The following MPPED2 variants were observed in gnomAD, a reference collection of about 807,000 sequenced individuals.
MPPED2 encodes the protein metallophosphoesterase MPPED2.
In MPPED2, 5 loss-of-function variants were observed where a neutral mutation model predicts 33.0. The ratio of observed to expected loss-of-function variants is 0.15; its 90% confidence interval spans 0.08 to 0.32. The LOEUF (loss-of-function observed/expected upper bound fraction) is 0.32. Ranked by LOEUF, MPPED2 falls within the 10% of genes least tolerant of loss-of-function variation. MPPED2 has a pLI of 1.00. For synonymous variants in MPPED2, 136 were observed against 141.9 expected (o/e 0.96, Z 0.29); for missense variants, 275 against 372.1 (o/e 0.74, Z 2.15).
intron 6 of MPPED2, among the ~76,000 whole-genome samples, chr11:30,402,336 T>G (rs1343043500): frequency 2.0e-5 from 3 of 152,194 alleles, no homozygotes; most frequent in Non-Finnish European, 4.4e-5. Context: ...GTCACTTCGC[T>G]GGAGATACGT....
At chr11:30,415,774 C>T (rs1948322771) in intron 5 of MPPED2, among the ~76,000 whole-genome samples, 1 of 152,204 alleles carries the variant, frequency 6.6e-6, no homozygotes, top group Non-Finnish European at 1.5e-5. Flanking sequence ...ACAATTCAGA[C>T]TTACTCTTAT....
chr11:30,466,994 C>A (rs190026577), intron 4 of MPPED2, among the ~76,000 whole-genome samples: 1 of 152,080 alleles, frequency 6.6e-6, no homozygotes, highest in African/African-American at 2.4e-5. Flanking sequence ...ACAAAAATTT[C>A]GAATTTTTCC....
intron 6 of MPPED2, 136 bp from the exon 7 acceptor site, chr11:30,411,722 T>C (rs1203419328): frequency 1.4e-5 from 7 of 515,210 alleles, no homozygotes; most frequent in Middle Eastern, 3.9e-4. Context: ...TCCTCAGATA[T>C]AATGACTTTC....
At chr11:30,504,735 C>T in intron 3 of MPPED2, 2 of 1,274,840 alleles carry the variant, frequency 1.6e-6, no homozygotes, top group Non-Finnish European at 1.0e-6. Flanking sequence ...TTAATACTCA[C>T]ACTTGCTGAT....
intron 4 of MPPED2, among the ~76,000 whole-genome samples, chr11:30,478,471 T>A (rs1032404049): frequency 6.6e-6 from 1 of 152,140 alleles, no homozygotes. Context: ...AATGTTCTAG[T>A]AATCAGGCTC....
chr11:30,521,124 T>C (rs1953852270), intron 3 of MPPED2, among the ~76,000 whole-genome samples: 1 of 152,230 alleles, frequency 6.6e-6, no homozygotes, highest in Admixed American at 6.5e-5. Flanking sequence ...TAGTTAGCTG[T>C]AATTTATGAA....
chr11:30,385,644 T>A (rs1947694321), exon 7 of MPPED2: 1 of 151,048 alleles, frequency 6.6e-6, no homozygotes, highest in Non-Finnish European at 1.5e-5. Context: ...TGTTGATGAG[T>A]TAGCACCTGC....
intron 3 of MPPED2, among the ~76,000 whole-genome samples, chr11:30,515,149 C>A (rs1213375704): frequency 1.3e-5 from 2 of 152,108 alleles, no homozygotes; most frequent in Non-Finnish European, 2.9e-5. Context: ...TTTACAGTAA[C>A]CTTATGAGGC....
intron 4 of MPPED2, among the ~76,000 whole-genome samples, chr11:30,441,807 T>C (rs1949585532): frequency 6.6e-6 from 1 of 152,170 alleles, no homozygotes; most frequent in South Asian, 2.1e-4. Flanking sequence ...CTCATCACAG[T>C]TGTCACAGCC....
chr11:30,540,814 T>C (rs1215575604), intron 2 of MPPED2, among the ~76,000 whole-genome samples: 1 of 152,176 alleles, frequency 6.6e-6, no homozygotes, highest in Admixed American at 6.6e-5. Context: ...CATTGGACAG[T>C]TCTTCAACTA....
At chr11:30,412,068 T>G (rs1220441084) in intron 6 of MPPED2, among the ~76,000 whole-genome samples, 1 of 151,942 alleles carries the variant, frequency 6.6e-6, no homozygotes, top group Non-Finnish European at 1.5e-5. Context: ...ACACTCAATT[T>G]ACTTATTTAT....
rs547806090 is a variant in MPPED2 at position 30,427,542 on chromosome 11, C to A, written c.537-9909G>T. Among the ~76,000 whole-genome samples, 83 of 152,330 alleles carry A rather than the reference C, an allele frequency of 5.4e-4. 1 individual carries two copies. In the South Asian group the frequency reaches 0.017, roughly 31 times the overall value. ...AAGGTCAATTGGAAACTCAATGAGT[C>A]TGGCTCACTACTGTGTCCCCATCAC... On this transcript the variant is annotated intron_variant, in intron 4 of 6. Coordinates refer to ENST00000358117, the MANE Select transcript of MPPED2 (RefSeq NM_001584.3).
chr11:30,549,781 G>A (rs1006512589), intron 2 of MPPED2, among the ~76,000 whole-genome samples: 18 of 152,154 alleles, frequency 1.2e-4, no homozygotes, highest in African/African-American at 3.9e-4. Context: ...CTCATGAAGA[G>A]GTGCACACGT....
chr11:30,473,246 C>T (rs913736481), intron 4 of MPPED2, among the ~76,000 whole-genome samples: 2 of 152,146 alleles, frequency 1.3e-5, no homozygotes, highest in Non-Finnish European at 2.9e-5. Flanking sequence ...CCTCTCGTCA[C>T]GCATTTATTT....
intron 4 of MPPED2, among the ~76,000 whole-genome samples, chr11:30,426,972 C>T (rs1379551710): frequency 6.6e-6 from 1 of 152,116 alleles, no homozygotes. Context: ...GCAAGGGTGG[C>T]GTGTGTCACA....
chr11:30,466,979 C>A (rs1448083002), intron 4 of MPPED2, among the ~76,000 whole-genome samples: 3 of 152,118 alleles, frequency 2.0e-5, no homozygotes, highest in Admixed American at 6.5e-5. Flanking sequence ...ACCCTTTATG[C>A]ATATACAAAA....
At chr11:30,400,072 T>C (rs1029144221) in intron 6 of MPPED2, among the ~76,000 whole-genome samples, 5 of 152,154 alleles carry the variant, frequency 3.3e-5, no homozygotes, top group Non-Finnish European at 5.9e-5. Context: ...ATCAGGGTTA[T>C]ACAGCATATT....
chr11:30,559,614 A>G (rs916282186), intron 2 of MPPED2, among the ~76,000 whole-genome samples: 4 of 152,178 alleles, frequency 2.6e-5, no homozygotes, highest in Non-Finnish European at 5.9e-5. Context: ...GGAACACAAA[A>G]TTGCGTATCT....
At chr11:30,552,001 A>G (rs1955736208) in intron 2 of MPPED2, among the ~76,000 whole-genome samples, 1 of 152,244 alleles carries the variant, frequency 6.6e-6, no homozygotes, top group Non-Finnish European at 1.5e-5. Context: ...AAAAAACCTG[A>G]ACACACTCCT....
Sources: gnomAD v4.1 joint callset for allele counts (sites outside exome capture counted in the v4.1 genomes callset) on GRCh38, gnomAD v4.1.1 for gene constraint, MANE v1.5 for transcripts, NCBI Gene and HGNC (gene_info 2026-07-23, HGNC 2026-07-21) for gene names.